NFASC: variants seen among roughly 807,000 people sequenced by gnomAD.
The protein encoded by NFASC is neurofascin.
In NFASC, 43 loss-of-function variants were observed where a neutral mutation model predicts 147.5. That is an observed-to-expected ratio of 0.29 (90% CI 0.23 to 0.38). NFASC has a LOEUF of 0.38. NFASC is among the 10% of genes least tolerant of loss of function. The pLI, the probability that NFASC is intolerant of heterozygous loss-of-function variation, is 1.00. For missense variants in NFASC, 1,320 were observed against 1,689.0 expected (o/e 0.78, Z 3.83); for synonymous variants, 622 against 665.5 (o/e 0.93, Z 1.01).
At chr1:204,974,514 C>T in intron 13 of NFASC, 143 bp from the exon 14 acceptor site, 5 of 1,047,216 alleles carry the variant, frequency 4.8e-6, no homozygotes, top group Non-Finnish European at 5.9e-6. Context: ...TGGCTAGAGG[C>T]AGACCCTCCG....
At chr1:204,997,627 C>T (rs989201326) in intron 25 of NFASC, 36 of 614,124 alleles carry the variant, frequency 5.9e-5, no homozygotes, top group Admixed American at 3.5e-4. Context: ...ACACACACTC[C>T]TTGGGTGGTC....
At position 204,936,475 on chromosome 1, in the gene NFASC, T is replaced by C. The variant is rs557146240; in HGVS notation, c.-90-7751T>C. 2.7e-3 allele frequency among the ~76,000 whole-genome samples: 409 copies of C among 152,308 alleles called. 1 individual carries two copies. The highest frequency in any genetic ancestry group is 9.4e-3 in the African/African-American group (392 of 41,572). On this transcript the variant is annotated intron_variant, in intron 2 of 29. Coordinates refer to ENST00000339876, the MANE Select transcript of NFASC (RefSeq NM_001005388.3). Reference sequence around the variant, plus strand: ...CCTCGGCCTCCCAAAGTGCTGGGATTACAGGCGTGAGCCACCATGTCCAGC... The same window carrying C: ...CCTCGGCCTCCCAAAGTGCTGGGATCACAGGCGTGAGCCACCATGTCCAGC...
intron 24 of NFASC, among the ~76,000 whole-genome samples, chr1:204,995,295 C>T (rs978929408): frequency 1.3e-5 from 2 of 148,758 alleles, no homozygotes; most frequent in Non-Finnish European, 3.0e-5. Flanking sequence ...CTCAGGCTTT[C>T]CCATGTATGA....
intron 1 of NFASC, among the ~76,000 whole-genome samples, chr1:204,830,992 C>G (rs1415886304): frequency 1.3e-5 from 2 of 152,166 alleles, no homozygotes; most frequent in Admixed American, 1.3e-4. Context: ...CCTTCTCCGT[C>G]GCCTCTCCAG....
In NFASC at chr1:204,892,450, C is replaced by T. The variant is rs567980640; in HGVS notation, c.-199-28182C>T. Among the ~76,000 whole-genome samples, 7 of 152,184 alleles carry T rather than the reference C, an allele frequency of 4.6e-5. No homozygotes were observed. In the South Asian group the frequency reaches 6.2e-4, roughly 13 times the overall value. On this transcript the variant is annotated intron_variant, in intron 1 of 29. Coordinates refer to ENST00000339876, the MANE Select transcript of NFASC (RefSeq NM_001005388.3). The stretch of plus-strand genomic sequence containing the variant: ...GCCATGTCAGGTGTCACTCATGTAG[C>T]GACAGTCATCTGGTGGCCCCAGTAC...
intron 21 of NFASC, among the ~76,000 whole-genome samples, chr1:204,982,291 C>G (rs902052841): frequency 6.6e-6 from 1 of 152,224 alleles, no homozygotes; most frequent in African/African-American, 2.4e-5. Context: ...AAAGGGAAAA[C>G]CCTCGGCAGT....
At chr1:204,977,236 A>G in intron 16 of NFASC, 1 of 455,246 alleles carries the variant, frequency 2.2e-6, no homozygotes, top group Non-Finnish European at 3.1e-6. Context: ...GTTTCATCAC[A>G]TGCTATGCAC....
At chr1:204,857,388 A>G (rs2076245219) in intron 1 of NFASC, among the ~76,000 whole-genome samples, 1 of 152,212 alleles carries the variant, frequency 6.6e-6, no homozygotes, top group Non-Finnish European at 1.5e-5. Flanking sequence ...CTGGACTTGT[A>G]GAAGTTGGAA....
intron 28 of NFASC, among the ~76,000 whole-genome samples, chr1:205,011,807 C>T (rs148043217): frequency 0.075 from 11,443 of 152,288 alleles, 604 homozygotes; most frequent in South Asian, 0.11. Context: ...AGGCCGGGCG[C>T]GGTGGCTCAC....
At chr1:204,988,143 T>C (rs2095653589) in intron 22 of NFASC, among the ~76,000 whole-genome samples, 1 of 152,238 alleles carries the variant, frequency 6.6e-6, no homozygotes. Flanking sequence ...AGCCAAATGT[T>C]GTGTTGTTAG....
chr1:204,896,594 C>A (rs1458365881), intron 1 of NFASC, among the ~76,000 whole-genome samples: 3 of 152,150 alleles, frequency 2.0e-5, no homozygotes, highest in Non-Finnish European at 4.4e-5. Flanking sequence ...GGAAGGGACA[C>A]AAGCCAGGGT....
chr1:204,980,675 C>T (rs1463420199), intron 20 of NFASC, among the ~76,000 whole-genome samples: 1 of 152,158 alleles, frequency 6.6e-6, no homozygotes, highest in East Asian at 1.9e-4. Context: ...GCAGAGGGGA[C>T]CAGGGTCCAC....
chr1:204,931,850 G>A (rs139548371), intron 2 of NFASC, among the ~76,000 whole-genome samples: 3 of 152,000 alleles, frequency 2.0e-5, no homozygotes, highest in East Asian at 1.9e-4. Context: ...TTCTACTACC[G>A]GTCAGTCATC....
intron 10 of NFASC, among the ~76,000 whole-genome samples, chr1:204,970,122 G>A (rs1034442196): frequency 2.1e-5 from 3 of 143,912 alleles, no homozygotes; most frequent in Admixed American, 6.9e-5. Context: ...CCAAAATTCA[G>A]TGCCTAAAGA....
At position 205,016,360 on chromosome 1, in the gene NFASC, A is replaced by G. The variant is rs377580201; in HGVS notation, c.3544A>G (p.Ile1182Val). 1.9e-6 allele frequency: 3 copies of G among 1,614,082 alleles called. No homozygotes were observed. The highest frequency in any genetic ancestry group is 2.7e-5 in the African/African-American group (2 of 75,014). ...CAGTCAGACATCTCTGGACGGCACC[A>G]TCAAGCAGCAGGAGAGTGACGACAG... ...QGSQTSLDGTIKQQESDDSLV... is the reference protein window; with the variant it reads ...QGSQTSLDGTVKQQESDDSLV... The change falls in exon 30 of 30, where the codon ATC (isoleucine) becomes GTC (valine). Residue 1182 changes from isoleucine (I) to valine (V), a missense_variant. Ile to Val is a conservative substitution (Grantham distance 29). Coordinates refer to ENST00000339876, the MANE Select transcript of NFASC (RefSeq NM_001005388.3). This position sits in a 1 kb window ranked among gnomAD's most constrained non-coding sequence, Gnocchi z 5.1.
chr1:204,891,593 C>T lies in NFASC; in HGVS notation c.-199-29039C>T, dbSNP rs60403579. On this transcript the variant is annotated intron_variant, in intron 1 of 29. Transcript: ENST00000339876. ...GCTCTTGCAGAGATAGTCACTACAG[C>T]GGTATTTGGAGCCCTGTAAACATGT... 2.4e-3 allele frequency among the ~76,000 whole-genome samples: 369 copies of T among 152,226 alleles called. 3 individuals carry two copies. The highest frequency in any genetic ancestry group is 7.8e-3 in the African/African-American group (322 of 41,526).
In NFASC at chr1:204,981,995, C is replaced by A; in HGVS notation, c.2445C>A (p.Ser815=). The change falls in exon 21 of 30, where the codon TCC becomes TCA. Residue 815 remains serine (S), a synonymous_variant. Transcript: ENST00000339876. ...TCGGGAAGGGCCCTGAGCCAGAGTC[C>A]GTCATCGGTTACTCCGGAGAAGATT... ...NDFGKGPEPE[S]VIGYSGEDLP... The A allele has an allele frequency of 6.3e-7, 1 of 1,590,222 alleles. No homozygotes were observed. The highest frequency in any genetic ancestry group is 1.8e-5 in the Admixed American group (1 of 56,848).
intron 21 of NFASC, among the ~76,000 whole-genome samples, chr1:204,985,496 T>C (rs891378469): frequency 1.8e-4 from 27 of 152,156 alleles, no homozygotes; most frequent in African/African-American, 5.3e-4. Context: ...CAATTCAAGG[T>C]GATGTGGTCT....
At chr1:204,931,676 C>T (rs761001689) in intron 2 of NFASC, among the ~76,000 whole-genome samples, 1 of 152,208 alleles carries the variant, frequency 6.6e-6, no homozygotes, top group Non-Finnish European at 1.5e-5. Context: ...ATTCATGGCT[C>T]TTAGACATTT....
Sources: allele counts gnomAD v4.1 joint callset (sites outside exome capture counted in the v4.1 genomes callset), GRCh38; gene constraint gnomAD v4.1.1; non-coding constraint Gnocchi (gnomAD v3.1); transcripts MANE v1.5; gene names NCBI Gene and HGNC (gene_info 2026-07-23, HGNC 2026-07-21).